FAM81B: variants seen among roughly 807,000 people sequenced by gnomAD.
FAM81B encodes protein FAM81B.
In FAM81B, 60 loss-of-function variants were observed where a neutral mutation model predicts 58.7. That is an observed-to-expected ratio of 1.02 (90% confidence interval 0.83 to 1.27). The LOEUF is 1.27. Among genes scored for constraint, FAM81B ranks in the 50% most tolerant of loss-of-function variants. FAM81B has a pLI of 0.00. For missense variants in FAM81B, 491 were observed against 522.0 expected, an observed-to-expected ratio of 0.94 and a Z score of 0.58; for synonymous variants, 189 against 179.6, an observed-to-expected ratio of 1.05 and a Z score of -0.42.
chr5:95,419,964 A>T (rs1762633999), intron 4 of FAM81B, among the ~76,000 whole-genome samples: 1 of 152,208 alleles, frequency 6.6e-6, no homozygotes, highest in Admixed American at 6.5e-5. Flanking sequence ...TTTGGTCCAT[A>T]TATGGTTTAC....
At chr5:95,425,762 A>T (rs1195426227) in intron 5 of FAM81B, among the ~76,000 whole-genome samples, 3 of 151,650 alleles carry the variant, frequency 2.0e-5, no homozygotes, top group East Asian at 1.9e-4. Flanking sequence ...AAATTAGCAA[A>T]TTTTTTTTTA....
intron 7 of FAM81B, 117 bp from the exon 8 acceptor site, chr5:95,446,445 A>G: frequency 9.6e-7 from 1 of 1,045,874 alleles, no homozygotes; most frequent in African/African-American, 1.6e-5. Flanking sequence ...ATCACCCCAC[A>G]AATACTTGCT....
At position 95,448,293 on chromosome 5, in the gene FAM81B, G is replaced by T; in HGVS notation, c.1054G>T (p.Glu352Ter). Residue 352 changes from glutamate (E) to a stop codon, truncating the protein, a stop_gained, in exon 9 of 10, where the codon GAA becomes TAA. Transcript: ENST00000283357. LOFTEE classifies it high-confidence loss of function. ...GGAAAAGTCTGAAAATAAAATGGAAGAAAAACTGCTGCAGCTTTCAAGCAA... is the reference window on the plus strand; with the variant it reads ...GGAAAAGTCTGAAAATAAAATGGAATAAAAACTGCTGCAGCTTTCAAGCAA... Reference protein sequence around the residue: ...KLEKSENKMEEKLLQLSSKVE... With the variant: ...KLEKSENKME The T allele has an allele frequency of 6.2e-7, 1 of 1,601,732 alleles. No individual in the cohort carries two copies. Among genetic ancestry groups the T allele is most frequent in the Non-Finnish European group, 8.5e-7 (1 of 1,176,538 alleles).
intron 3 of FAM81B, among the ~76,000 whole-genome samples, chr5:95,403,943 GA>G (rs1762178139): frequency 6.6e-6 from 1 of 152,166 alleles, no homozygotes; most frequent in Non-Finnish European, 1.5e-5. Flanking sequence ...AAGTCAGGCA[GA>G]AGTTGGGGGT....
intron 3 of FAM81B, 152 bp from the exon 4 acceptor site, chr5:95,413,795 C>T (rs2152763512): frequency 7.3e-7 from 1 of 1,361,294 alleles, no homozygotes; most frequent in East Asian, 2.5e-5. Context: ...AGACCTTCAC[C>T]AAATTCTAAC....
At chr5:95,400,977 C>T (rs1014698700) in intron 3 of FAM81B, among the ~76,000 whole-genome samples, 4 of 150,148 alleles carry the variant, frequency 2.7e-5, no homozygotes, top group African/African-American at 9.8e-5. Flanking sequence ...AAGAGGGCCA[C>T]AAATGCTACA....
chr5:95,436,648 G>A (rs940654808), intron 6 of FAM81B, 152 bp from the exon 7 acceptor site: 13 of 654,590 alleles, frequency 2.0e-5, no homozygotes, highest in African/African-American at 1.7e-4. Flanking sequence ...ATTTTCAAGT[G>A]CAATCATGCT....
At position 95,450,313 on chromosome 5, in the gene FAM81B, C is replaced by A; in HGVS notation, c.*31C>A. On this transcript the variant is annotated 3_prime_UTR_variant, in exon 10 of 10. Coordinates refer to ENST00000283357, the MANE Select transcript of FAM81B (RefSeq NM_152548.3). Reference sequence around the variant, plus strand: ...TTCAGTCATCTTCTTTTTCATCAGCCAATGGAGTGATTTGTTGGAAAAAGT... The same window carrying A: ...TTCAGTCATCTTCTTTTTCATCAGCAAATGGAGTGATTTGTTGGAAAAAGT... The A allele has an allele frequency of 6.2e-7, 1 of 1,602,458 alleles. No individual in the cohort carries two copies. The highest frequency in any genetic ancestry group is 1.1e-5 in the South Asian group (1 of 87,712).
At chr5:95,444,711 G>A (rs1161139070) in intron 7 of FAM81B, among the ~76,000 whole-genome samples, 1 of 152,174 alleles carries the variant, frequency 6.6e-6, no homozygotes, top group African/African-American at 2.4e-5. Context: ...ATCACTCTGT[G>A]TCAAAAATAA....
At chr5:95,413,149 CAG>C (rs1249065468) in intron 3 of FAM81B, among the ~76,000 whole-genome samples, 1 of 152,172 alleles carries the variant, frequency 6.6e-6, no homozygotes, top group Non-Finnish European at 1.5e-5. Flanking sequence ...AATCATTTGA[CAG>C]GGGACATTTG....
chr5:95,391,582 A>T, intron 1 of FAM81B, 69 bp downstream of exon 1: 1 of 1,493,306 alleles, frequency 6.7e-7, no homozygotes, highest in South Asian at 1.4e-5. Flanking sequence ...TTCTTATTAC[A>T]TATAAACAAA....
intron 7 of FAM81B, 32 bp downstream of exon 7, chr5:95,436,938 A>C (rs2152768823): frequency 6.5e-7 from 1 of 1,537,694 alleles, no homozygotes; most frequent in Admixed American, 1.7e-5. Flanking sequence ...AATTCTGTTA[A>C]GTGCATTCCA....
chr5:95,450,363 T>A lies in FAM81B; in HGVS notation c.*81T>A. The A allele has an allele frequency of 6.3e-7, 1 of 1,579,960 alleles. No individual in the cohort carries two copies. The highest frequency in any genetic ancestry group is 8.6e-7 in the Non-Finnish European group (1 of 1,168,148). Reference sequence around the variant, plus strand: ...TTCTGAAGAAGAAAGTTACTATCTCTGGGATGTTTACTGCTTCTAATGTCT... The same window carrying A: ...TTCTGAAGAAGAAAGTTACTATCTCAGGGATGTTTACTGCTTCTAATGTCT... On this transcript the variant is annotated 3_prime_UTR_variant, in exon 10 of 10. Coordinates refer to ENST00000283357, the MANE Select transcript of FAM81B (RefSeq NM_152548.3).
At chr5:95,399,276 T>C (rs1026761593) in intron 3 of FAM81B, among the ~76,000 whole-genome samples, 5 of 152,268 alleles carry the variant, frequency 3.3e-5, no homozygotes, top group Non-Finnish European at 5.9e-5. Flanking sequence ...AGGTTTTTCT[T>C]AGCACCATGG....
At chr5:95,406,645 A>T (rs1421557209) in intron 3 of FAM81B, among the ~76,000 whole-genome samples, 1 of 152,134 alleles carries the variant, frequency 6.6e-6, no homozygotes, top group Non-Finnish European at 1.5e-5. Flanking sequence ...GCTGGGTGGC[A>T]CATCACGGCA....
At chr5:95,411,257 C>A (rs916266251) in intron 3 of FAM81B, among the ~76,000 whole-genome samples, 5 of 152,084 alleles carry the variant, frequency 3.3e-5, no homozygotes, top group Non-Finnish European at 7.4e-5. Context: ...CCCAAAAAAA[C>A]ACAATCCTGA....
At chr5:95,392,676 C>T (rs1344948768) in intron 1 of FAM81B, 118 bp from the exon 2 acceptor site, 2 of 744,514 alleles carry the variant, frequency 2.7e-6, no homozygotes, top group Non-Finnish European at 4.5e-6. Context: ...AAATTGAAAG[C>T]CTCCCTTTAA....
At chr5:95,445,234 C>CAAT (rs763963523) in intron 7 of FAM81B, among the ~76,000 whole-genome samples, 4 of 152,048 alleles carry the variant, frequency 2.6e-5, no homozygotes, top group Non-Finnish European at 5.9e-5. Flanking sequence ...AACATCAGAG[C>CAAT]AATTATTACT....
intron 3 of FAM81B, among the ~76,000 whole-genome samples, chr5:95,407,391 TACACACACACAC>T (rs36079913): frequency 7.2e-6 from 1 of 139,654 alleles, no homozygotes; most frequent in Non-Finnish European, 1.6e-5. Flanking sequence ...TGTTCTCTTT[TACACACACACAC>T]ACACACGCAC....
Sources: allele counts gnomAD v4.1 joint callset (sites outside exome capture counted in the v4.1 genomes callset), GRCh38; gene constraint gnomAD v4.1.1; transcripts MANE v1.5; gene names NCBI Gene and HGNC (gene_info 2026-07-23, HGNC 2026-07-21).